Variants in PROM1 observed in about 807,000 individuals in gnomAD.
PROM1 encodes prominin 1, also known as prominin-1.
In PROM1, 105 loss-of-function variants were observed where a neutral mutation model predicts 116.9. That is an observed-to-expected ratio of 0.90 (90% CI 0.77 to 1.06). PROM1 has a LOEUF of 1.06. PROM1 is among the 50% of genes least tolerant of loss of function. PROM1 has a pLI of 0.00. For synonymous variants in PROM1, 393 were observed against 387.0 expected, an observed-to-expected ratio of 1.02 and a Z score of -0.18; for missense variants, 1,122 against 1,045.2, an observed-to-expected ratio of 1.07 and a Z score of -1.01.
chr4:16,008,703 C>T (rs1176433820), intron 12 of PROM1, among the ~76,000 whole-genome samples: 1 of 152,218 alleles, frequency 6.6e-6, no homozygotes, highest in Non-Finnish European at 1.5e-5. Flanking sequence ...TACAAATTTG[C>T]ATATCATCTG....
At chr4:15,986,281 C>T (rs2149082383) in intron 20 of PROM1, among the ~76,000 whole-genome samples, 1 of 152,226 alleles carries the variant, frequency 6.6e-6, no homozygotes, top group South Asian at 2.1e-4. Context: ...GCTGGACTTG[C>T]TGGAAACTCA....
chr4:16,013,445 T>C, intron 10 of PROM1, 107 bp from the exon 11 acceptor site: 3 of 742,692 alleles, frequency 4.0e-6, no homozygotes, highest in South Asian at 1.6e-5. Flanking sequence ...AATAAAAATA[T>C]AACATTCATC....
intron 2 of PROM1, among the ~76,000 whole-genome samples, chr4:16,050,551 G>A (rs974328229): frequency 2.0e-5 from 3 of 152,064 alleles, no homozygotes; most frequent in Non-Finnish European, 2.9e-5. Flanking sequence ...ATGAGATTTC[G>A]TCATGTTGCC....
chr4:16,072,509 T>C (rs1215554175), intron 2 of PROM1, among the ~76,000 whole-genome samples: 3 of 152,222 alleles, frequency 2.0e-5, no homozygotes, highest in African/African-American at 7.2e-5. Context: ...CAACTCCATC[T>C]TGCTTCTAAC....
At chr4:16,009,941 A>C in intron 11 of PROM1, among the ~76,000 whole-genome samples, 1 of 151,044 alleles carries the variant, frequency 6.6e-6, no homozygotes, top group East Asian at 1.9e-4. Flanking sequence ...TCTCAAAAAA[A>C]AAAAAAAAAA....
intron 2 of PROM1, among the ~76,000 whole-genome samples, chr4:16,041,371 A>G (rs1735185944): frequency 6.6e-6 from 1 of 152,258 alleles, no homozygotes; most frequent in African/African-American, 2.4e-5. Context: ...GTAACTACAC[A>G]TAAAGCTCTT....
chr4:16,000,132 G>C (rs1420547600), intron 14 of PROM1, among the ~76,000 whole-genome samples: 2 of 152,194 alleles, frequency 1.3e-5, no homozygotes, highest in African/African-American at 4.8e-5. Flanking sequence ...GTGTGTGGGA[G>C]GAACCTGGGA....
chr4:16,025,131 C>T lies in PROM1; in HGVS notation c.630+61G>A, dbSNP rs1683174871. ...GTTTGATTGAGATTCCAAATATACACAGGAACTCCAAAAAACCAAAAATAT... is the reference window on the plus strand; with the variant it reads ...GTTTGATTGAGATTCCAAATATACATAGGAACTCCAAAAAACCAAAAATAT... On this transcript the variant is annotated intron_variant, in intron 6 of 27. Coordinates refer to ENST00000447510, the MANE Select transcript of PROM1 (RefSeq NM_006017.3). 1.8e-5 allele frequency: 28 copies of T among 1,546,328 alleles called. No individual in the cohort carries two copies. The South Asian group carries it at 2.5e-4, about 14-fold the overall frequency.
At chr4:15,987,306 C>T (rs1427635902) in intron 20 of PROM1, among the ~76,000 whole-genome samples, 3 of 152,176 alleles carry the variant, frequency 2.0e-5, no homozygotes, top group Admixed American at 2.0e-4. Context: ...GAGAAGCCTG[C>T]TGTCAAACCA....
chr4:16,004,309 C>G (rs897402611), intron 13 of PROM1, among the ~76,000 whole-genome samples: 1 of 152,152 alleles, frequency 6.6e-6, no homozygotes, highest in Non-Finnish European at 1.5e-5. Context: ...CCTATGGCCT[C>G]CATGCCACAG....
intron 13 of PROM1, among the ~76,000 whole-genome samples, chr4:16,003,982 T>G (rs1724552239): frequency 6.6e-6 from 1 of 152,154 alleles, no homozygotes; most frequent in Non-Finnish European, 1.5e-5. Flanking sequence ...AGGTGGTGTT[T>G]TGGTTGCAAC....
At chr4:16,076,933 CA>C (rs1317661973) in intron 1 of PROM1, among the ~76,000 whole-genome samples, 16 of 152,346 alleles carry the variant, frequency 1.1e-4, no homozygotes, top group Admixed American at 9.1e-4. Flanking sequence ...CTCAACTACC[CA>C]GGGACACAAA....
At chr4:15,980,946 G>GTTGTTTATTTAT (rs1553890032) in intron 23 of PROM1, among the ~76,000 whole-genome samples, 1 of 145,140 alleles carries the variant, frequency 6.9e-6, no homozygotes, top group Admixed American at 6.8e-5. Context: ...CTTATGAGTT[G>GTTGTTTATTTAT]TTATTTATTT....
chr4:16,052,809 C>T (rs1383884348), intron 2 of PROM1, among the ~76,000 whole-genome samples: 1 of 152,148 alleles, frequency 6.6e-6, no homozygotes, highest in Admixed American at 6.5e-5. Flanking sequence ...CAAGAATAAC[C>T]TATGAATGCT....
rs1176218882 is a variant in PROM1 at position 16,024,334 on chromosome 4, A to C, written c.655T>G (p.Tyr219Asp). 6.2e-7 allele frequency: 1 copy of C among 1,613,394 alleles called. No individual in the cohort carries two copies. Among genetic ancestry groups the C allele is most frequent in the South Asian group, 1.1e-5 (1 of 90,900 alleles). The change falls in exon 7 of 28, where the codon TAC (tyrosine) becomes GAC (aspartate). Residue 219 changes from tyrosine to aspartate, a missense_variant. Physicochemically the swap from Tyr to Asp is radical, Grantham distance 160 (BLOSUM62 -3). Transcript: ENST00000447510. ...AACGCCTTGTCCTTGGTAGTGTTGT[A>C]CTGGGCCAATATATATTTGATTTGC... The part of the protein sequence containing the change: ...PEQIKYILAQ[Y>D]NTTKDKAFTD...
chr4:15,984,222 G>A, intron 23 of PROM1, 41 bp downstream of exon 23: 1 of 1,438,710 alleles, frequency 7.0e-7, no homozygotes, highest in Non-Finnish European at 9.6e-7. Flanking sequence ...AACCAAAGAT[G>A]ATGGATTCAT....
intron 9 of PROM1, among the ~76,000 whole-genome samples, chr4:16,016,627 T>C (rs1212221833): frequency 6.6e-6 from 1 of 152,216 alleles, no homozygotes; most frequent in Non-Finnish European, 1.5e-5. Context: ...GAATCGTTTT[T>C]CCACTTACAG....
At chr4:16,052,081 G>T (rs539219475) in intron 2 of PROM1, among the ~76,000 whole-genome samples, 1 of 152,074 alleles carries the variant, frequency 6.6e-6, no homozygotes, top group African/African-American at 2.4e-5. Context: ...CTATATCTAC[G>T]CCTGTTTATG....
chr4:16,005,731 A>G (rs1005649353), intron 13 of PROM1, among the ~76,000 whole-genome samples: 1 of 152,148 alleles, frequency 6.6e-6, no homozygotes, highest in African/African-American at 2.4e-5. Context: ...ACTGACCTAG[A>G]GCCCCATCTC....
Sources: allele counts gnomAD v4.1 joint callset (sites outside exome capture counted in the v4.1 genomes callset), GRCh38; gene constraint gnomAD v4.1.1; transcripts MANE v1.5; gene names NCBI Gene and HGNC (gene_info 2026-07-23, HGNC 2026-07-21).